The following KCNMB2 variants were observed in gnomAD, a reference collection of about 807,000 sequenced individuals.
KCNMB2 encodes the protein calcium-activated potassium channel subunit beta-2.
A neutral mutation model predicts 24.5 loss-of-function variants in KCNMB2; 9 were observed. The observed-to-expected ratio is 0.37, with a 90% CI of 0.22 to 0.64. The LOEUF is 0.64. Among genes scored for constraint, KCNMB2 ranks in the 30% least tolerant of loss-of-function variants. The pLI, the probability that KCNMB2 is intolerant of heterozygous loss-of-function variation, is 0.63. For missense variants in KCNMB2, 226 were observed against 284.3 expected (o/e 0.79, Z 1.47); for synonymous variants, 109 against 104.4 (o/e 1.04, Z -0.27).
intron 1 of KCNMB2, among the ~76,000 whole-genome samples, chr3:178,656,224 C>CA (rs1203150187): frequency 6.6e-6 from 1 of 152,058 alleles, no homozygotes; most frequent in East Asian, 1.9e-4. Flanking sequence ...CTAGTAAATG[C>CA]AAATAGAATT....
At position 178,843,328 on chromosome 3, in the gene KCNMB2, T is replaced by C; in HGVS notation, c.*391T>C. On this transcript the variant is annotated 3_prime_UTR_variant, in exon 5 of 5. Transcript: ENST00000452583. ...ACAATATTTTTCATCACTTATTGTTTACTAAAGCTACAGCCAAAAATATTT... is the reference window on the plus strand; with the variant it reads ...ACAATATTTTTCATCACTTATTGTTCACTAAAGCTACAGCCAAAAATATTT... 2 of 389,838 alleles carry C rather than the reference T, an allele frequency of 5.1e-6. No homozygotes were observed. The highest frequency in any genetic ancestry group is 1.0e-5 in the Non-Finnish European group (2 of 194,960). The allele number at this position is 389,838 out of a possible 1,614,324, so 24.1% of individuals were successfully genotyped here. A position where few individuals can be genotyped will look rare whatever the true frequency, so the allele number is the denominator to read the frequency against.
At chr3:178,659,439 T>C (rs977653410) in intron 1 of KCNMB2, among the ~76,000 whole-genome samples, 5 of 152,234 alleles carry the variant, frequency 3.3e-5, no homozygotes, top group Non-Finnish European at 5.9e-5. Flanking sequence ...CTCCAGATAG[T>C]GATATTAGTC....
intron 1 of KCNMB2, among the ~76,000 whole-genome samples, chr3:178,792,527 C>A (rs944201474): frequency 6.6e-6 from 1 of 151,858 alleles, no homozygotes; most frequent in Non-Finnish European, 1.5e-5. Flanking sequence ...GCAAAACAAC[C>A]AGAAAGCAAG....
intron 1 of KCNMB2, among the ~76,000 whole-genome samples, chr3:178,667,250 C>T (rs1372623217): frequency 4.6e-5 from 7 of 151,992 alleles, no homozygotes; most frequent in African/African-American, 1.7e-4. Context: ...ACAGAGAAGA[C>T]CATGTGCTAT....
intron 1 of KCNMB2, among the ~76,000 whole-genome samples, chr3:178,641,945 C>T (rs1719743436): frequency 6.6e-6 from 1 of 151,792 alleles, no homozygotes; most frequent in Non-Finnish European, 1.5e-5. Context: ...CTTATTTATC[C>T]ATTTTATTTT....
chr3:178,572,712 G>T (rs1716849920), intron 1 of KCNMB2, among the ~76,000 whole-genome samples: 1 of 152,128 alleles, frequency 6.6e-6, no homozygotes, highest in African/African-American at 2.4e-5. Flanking sequence ...GGATTCCATG[G>T]ATAATGACAT....
intron 1 of KCNMB2, among the ~76,000 whole-genome samples, chr3:178,630,767 A>T (rs1228379855): frequency 6.6e-6 from 1 of 152,166 alleles, no homozygotes; most frequent in African/African-American, 2.4e-5. Context: ...GTATATGCAA[A>T]TTGATGTGAG....
chr3:178,747,011 C>T (rs536065043), intron 1 of KCNMB2: 1 of 152,656 alleles, frequency 6.6e-6, no homozygotes, highest in African/African-American at 2.4e-5. Flanking sequence ...TCCAATGTTG[C>T]TTCCACATTT....
Position 178,838,823 on chromosome 3 carries a change from C to G in KCNMB2, c.424-3830C>G, listed in dbSNP as rs1486722666. Among the ~76,000 whole-genome samples the G allele has an allele frequency of 2.6e-5, 4 of 151,980 alleles. No individual in the cohort carries two copies. The East Asian group carries it at 5.8e-4, about 22-fold the overall frequency. ...GAGGTTGTGCATTGCACAGAGGTAC[C>G]AATCACATTGTAAAAGTCATATATG... On this transcript the variant is annotated intron_variant, in intron 4 of 4. Coordinates refer to ENST00000452583, the MANE Select transcript of KCNMB2 (RefSeq NM_181361.3).
In KCNMB2 at chr3:178,598,609, G is replaced by T. The variant is rs543090171; in HGVS notation, c.-68+61898G>T. 3.9e-5 allele frequency among the ~76,000 whole-genome samples: 6 copies of T among 152,064 alleles called. No homozygotes were observed. In the South Asian group the frequency reaches 1.2e-3, roughly 32 times the overall value. ...ACAAAGGAAAGAAGGAACCAGCATG[G>T]AACTGGTGATGTTTGAGCTGTGTTG... On this transcript the variant is annotated intron_variant, in intron 1 of 4. Transcript: ENST00000452583.
chr3:178,840,509 A>G (rs1715390898), intron 4 of KCNMB2, among the ~76,000 whole-genome samples: 1 of 152,212 alleles, frequency 6.6e-6, no homozygotes, highest in Admixed American at 6.5e-5. Flanking sequence ...GTTCTCCATG[A>G]GGTCTCCACC....
chr3:178,695,793 C>T (rs953828344), intron 1 of KCNMB2, among the ~76,000 whole-genome samples: 8 of 152,170 alleles, frequency 5.3e-5, no homozygotes. Context: ...CTTCTGAGCC[C>T]TCCAAGTCTC....
intron 1 of KCNMB2, among the ~76,000 whole-genome samples, chr3:178,705,222 G>C (rs1276001338): frequency 6.6e-6 from 1 of 152,038 alleles, no homozygotes; most frequent in Non-Finnish European, 1.5e-5. Context: ...TTTGAGCAGA[G>C]GCCTATTCTG....
At chr3:178,834,169 A>G (rs1455545498) in intron 4 of KCNMB2, among the ~76,000 whole-genome samples, 1 of 152,180 alleles carries the variant, frequency 6.6e-6, no homozygotes, top group African/African-American at 2.4e-5. Flanking sequence ...CTGATGATGT[A>G]GAAAAATCCA....
intron 1 of KCNMB2, among the ~76,000 whole-genome samples, chr3:178,672,170 C>T (rs4282037): frequency 1.6e-3 from 241 of 152,240 alleles, no homozygotes; most frequent in African/African-American, 5.7e-3. Flanking sequence ...CTTCATGATT[C>T]AGTATTTAAA....
At chr3:178,611,047 T>C (rs889451980) in intron 1 of KCNMB2, among the ~76,000 whole-genome samples, 2 of 152,234 alleles carry the variant, frequency 1.3e-5, no homozygotes, top group African/African-American at 4.8e-5. Flanking sequence ...ATAGTTTGAG[T>C]AGAATTGGTA....
In KCNMB2 at chr3:178,579,974, A is replaced by C. The variant is rs147315264; in HGVS notation, c.-68+43263A>C. Among the ~76,000 whole-genome samples, 866 of 152,304 alleles carry C rather than the reference A, an allele frequency of 5.7e-3. 11 individuals are homozygous for C. The highest frequency in any genetic ancestry group is 0.037 in the Middle Eastern group (11 of 294). The stretch of plus-strand genomic sequence containing the variant: ...ATTTGGTACCATTCGTTCTGAAACT[A>C]TTCCAAACAATAGAAAAAGAGGGAC... On this transcript the variant is annotated intron_variant, in intron 1 of 4. Coordinates refer to ENST00000452583, the MANE Select transcript of KCNMB2 (RefSeq NM_181361.3).
intron 1 of KCNMB2, among the ~76,000 whole-genome samples, chr3:178,675,522 C>T (rs1721042601): frequency 6.8e-6 from 1 of 146,100 alleles, no homozygotes; most frequent in East Asian, 1.9e-4. Context: ...TGATCAAGGG[C>T]AAGCCTGGGT....
chr3:178,658,920 T>C (rs1720433913), intron 1 of KCNMB2, among the ~76,000 whole-genome samples: 1 of 152,146 alleles, frequency 6.6e-6, no homozygotes, highest in South Asian at 2.1e-4. Context: ...ATGAATGACA[T>C]ACTTGAGAGA....
Sources: gnomAD v4.1 joint callset for allele counts (sites outside exome capture counted in the v4.1 genomes callset) on GRCh38, gnomAD v4.1.1 for gene constraint, MANE v1.5 for transcripts, NCBI Gene and HGNC (gene_info 2026-07-23, HGNC 2026-07-21) for gene names.